CHRM5: variants seen among roughly 807,000 people sequenced by gnomAD.
CHRM5 encodes the protein muscarinic acetylcholine receptor M5.
Under a neutral mutation model 39.0 loss-of-function variants are expected in CHRM5, and 18 were observed. The ratio of observed to expected loss-of-function variants is 0.46; its 90% CI spans 0.32 to 0.68. The LOEUF (loss-of-function observed/expected upper bound fraction) is 0.68, where lower values mean the gene tolerates loss of function less well. CHRM5 is among the 30% of genes least tolerant of loss of function. The probability of loss-of-function intolerance (pLI) is 0.04; values close to 1 mark genes in which losing one functional copy is unlikely to be tolerated. For missense variants in CHRM5, 515 were observed against 651.1 expected, an observed-to-expected ratio of 0.79 and a Z score of 2.28; for synonymous variants, 241 against 246.3, an observed-to-expected ratio of 0.98 and a Z score of 0.20.
chr15:34,017,517 A>G (rs1475301849), intron 1 of CHRM5, among the ~76,000 whole-genome samples: 2 of 118,974 alleles, frequency 1.7e-5, no homozygotes, highest in Non-Finnish European at 3.2e-5. Context: ...GGGTCTTGCT[A>G]TGTCATCCAG....
At chr15:34,005,651 T>C (rs1021940803) in intron 1 of CHRM5, among the ~76,000 whole-genome samples, 2 of 152,230 alleles carry the variant, frequency 1.3e-5, no homozygotes, top group African/African-American at 4.8e-5. Context: ...TGTACAGATA[T>C]GTCTTCCCTC....
chr15:33,988,163 C>A (rs1411887086), intron 1 of CHRM5, among the ~76,000 whole-genome samples: 1 of 152,176 alleles, frequency 6.6e-6, no homozygotes, highest in Admixed American at 6.5e-5. Context: ...AAGCTGCAGA[C>A]CAAGTGTAAA....
At chr15:34,048,705 C>T (rs558726535) in intron 2 of CHRM5, among the ~76,000 whole-genome samples, 1 of 152,222 alleles carries the variant, frequency 6.6e-6, no homozygotes, top group Non-Finnish European at 1.5e-5. Flanking sequence ...AAAAAGCAGC[C>T]AGACTGCTTC....
intron 1 of CHRM5, among the ~76,000 whole-genome samples, chr15:34,044,802 G>A (rs554862175): frequency 1.3e-5 from 2 of 152,186 alleles, no homozygotes; most frequent in South Asian, 4.1e-4. Context: ...TGTAATCCCA[G>A]CACTTTGGGA....
chr15:33,969,997 A>G (rs1895562916), intron 1 of CHRM5, among the ~76,000 whole-genome samples: 1 of 152,122 alleles, frequency 6.6e-6, no homozygotes, highest in East Asian at 1.9e-4. Flanking sequence ...TCCCAACCAC[A>G]TTGGTTTTCA....
intron 1 of CHRM5, among the ~76,000 whole-genome samples, chr15:33,985,689 C>T (rs1201431830): frequency 1.3e-5 from 2 of 152,048 alleles, no homozygotes; most frequent in African/African-American, 4.8e-5. Flanking sequence ...ATGCATGATA[C>T]ACCTGATTCC....
chr15:34,040,422 C>G (rs1899420025), intron 1 of CHRM5, among the ~76,000 whole-genome samples: 4 of 152,144 alleles, frequency 2.6e-5, no homozygotes, highest in Admixed American at 2.6e-4. Flanking sequence ...GGGGCGCCTT[C>G]CAGACAGGGG....
At chr15:33,992,485 T>C (rs190418391) in intron 1 of CHRM5, among the ~76,000 whole-genome samples, 5 of 152,372 alleles carry the variant, frequency 3.3e-5, no homozygotes, top group Non-Finnish European at 5.9e-5. Flanking sequence ...CTTGTTTTTA[T>C]TTTTTTGGTT....
chr15:33,975,935 G>A (rs1895865804), intron 1 of CHRM5, among the ~76,000 whole-genome samples: 1 of 148,718 alleles, frequency 6.7e-6, no homozygotes, highest in South Asian at 2.1e-4. Context: ...CTCAAAAGAA[G>A]AAAAGAAAAG....
chr15:33,969,587 T>C (rs1352726794), intron 1 of CHRM5, among the ~76,000 whole-genome samples: 1 of 152,042 alleles, frequency 6.6e-6, no homozygotes, highest in African/African-American at 2.4e-5. Flanking sequence ...GAACAAAAGC[T>C]CAATGACTGA....
At chr15:34,057,686 A>G (rs1900206793) in intron 2 of CHRM5, among the ~76,000 whole-genome samples, 1 of 152,162 alleles carries the variant, frequency 6.6e-6, no homozygotes, top group Admixed American at 6.5e-5. Context: ...AGTCCCAGCT[A>G]CGTGGGAGGC....
intron 2 of CHRM5, among the ~76,000 whole-genome samples, chr15:34,051,410 C>G (rs1283177495): frequency 6.6e-6 from 1 of 152,138 alleles, no homozygotes; most frequent in African/African-American, 2.4e-5. Flanking sequence ...AAGTTAAAAA[C>G]CTAACATCAC....
At chr15:33,971,678 T>C (rs980474012) in intron 1 of CHRM5, among the ~76,000 whole-genome samples, 3 of 152,146 alleles carry the variant, frequency 2.0e-5, no homozygotes, top group Non-Finnish European at 4.4e-5. Flanking sequence ...TATTTACTTA[T>C]ATCTTCATTA....
intron 1 of CHRM5, among the ~76,000 whole-genome samples, chr15:33,986,777 C>T (rs571633796): frequency 2.0e-3 from 301 of 151,676 alleles, no homozygotes; most frequent in Non-Finnish European, 3.5e-3. Context: ...CTGTGTCAGC[C>T]GCCCGAGTAG....
At chr15:34,049,019 A>G (rs1050117517) in intron 2 of CHRM5, among the ~76,000 whole-genome samples, 1 of 152,322 alleles carries the variant, frequency 6.6e-6, no homozygotes, top group African/African-American at 2.4e-5. Context: ...AACAACATCA[A>G]CAGAAAAGAC....
intron 1 of CHRM5, among the ~76,000 whole-genome samples, chr15:33,993,210 AG>A (rs1896801083): frequency 6.6e-6 from 1 of 152,192 alleles, no homozygotes; most frequent in Non-Finnish European, 1.5e-5. Context: ...TTACGTTTGA[AG>A]GTAAGAGTGG....
At chr15:33,990,064 C>T (rs764569580) in intron 1 of CHRM5, among the ~76,000 whole-genome samples, 7 of 151,768 alleles carry the variant, frequency 4.6e-5, no homozygotes, top group Non-Finnish European at 7.4e-5. Context: ...ATTAGCCGGG[C>T]GTGGTGGTGG....
intron 2 of CHRM5, among the ~76,000 whole-genome samples, chr15:34,053,208 G>A (rs1253592863): frequency 3.4e-5 from 5 of 148,322 alleles, no homozygotes; most frequent in African/African-American, 1.2e-4. Context: ...GCTGAGGCAG[G>A]AGAATTGCTT....
chr15:34,003,119 G>A (rs879214057), intron 1 of CHRM5: 38 of 1,613,508 alleles, frequency 2.4e-5, no homozygotes, highest in Non-Finnish European at 3.1e-5. Context: ...TCTTGATATC[G>A]ATCCCAGTTA....
Sources: gnomAD v4.1 joint callset for allele counts (sites outside exome capture counted in the v4.1 genomes callset) on GRCh38, gnomAD v4.1.1 for gene constraint, MANE v1.5 for transcripts, NCBI Gene and HGNC (gene_info 2026-07-23, HGNC 2026-07-21) for gene names.